The following ESR1 variants were observed in gnomAD, a reference collection of about 807,000 sequenced individuals.
ESR1 encodes the protein estrogen receptor 1.
ESR1 carries 12 observed loss-of-function variants against 52.7 expected under a neutral mutation model. The observed-to-expected ratio is 0.23, with a 90% CI of 0.15 to 0.37. The LOEUF (loss-of-function observed/expected upper bound fraction) is 0.37. Among genes scored for constraint, ESR1 ranks in the 10% least tolerant of loss-of-function variants. The pLI, the probability that ESR1 is intolerant of heterozygous loss-of-function variation, is 1.00. For missense variants in ESR1, 584 were observed against 779.7 expected (o/e 0.75, Z 2.99); for synonymous variants, 305 against 316.8 (o/e 0.96, Z 0.39).
chr6:151,686,532 AAAG>A (rs1310395726), upstream of ESR1, among the ~76,000 whole-genome samples: 4 of 152,166 alleles, frequency 2.6e-5, no homozygotes, highest in Non-Finnish European at 5.9e-5. Flanking sequence ...AAAAATACAA[AAAG>A]AAATTAGCCG....
chr6:152,092,713 A>C (rs1201118769), intron 6 of ESR1, among the ~76,000 whole-genome samples: 1 of 152,156 alleles, frequency 6.6e-6, no homozygotes, highest in African/African-American at 2.4e-5. Context: ...GGCAGGATGG[A>C]GCTTATTGCT....
intron 3 of ESR1, among the ~76,000 whole-genome samples, chr6:151,908,721 T>C (rs79757702): frequency 0.028 from 4,263 of 152,116 alleles, 192 homozygotes; most frequent in African/African-American, 0.097. Flanking sequence ...CAGCGCCAAA[T>C]AAGGAGCAGA....
intron 4 of ESR1, among the ~76,000 whole-genome samples, chr6:151,970,984 A>G (rs947564219): frequency 5.3e-5 from 8 of 152,098 alleles, no homozygotes; most frequent in Non-Finnish European, 1.2e-4. Context: ...CCCATACCAG[A>G]GTTGTTTGTG....
chr6:151,668,680 T>C (rs1167596868), intron 1 of ESR1, among the ~76,000 whole-genome samples: 3 of 152,182 alleles, frequency 2.0e-5, no homozygotes, highest in Non-Finnish European at 4.4e-5. Flanking sequence ...TGCCTGTTAA[T>C]ACTATCGCAC....
At chr6:151,746,927 T>C (rs887672363) in intron 2 of ESR1, among the ~76,000 whole-genome samples, 2 of 152,194 alleles carry the variant, frequency 1.3e-5, no homozygotes, top group Non-Finnish European at 2.9e-5. Flanking sequence ...TGGCATTACA[T>C]GAATTAATAT....
At chr6:151,964,855 G>A (rs1562604955) in intron 4 of ESR1, among the ~76,000 whole-genome samples, 1 of 152,042 alleles carries the variant, frequency 6.6e-6, no homozygotes, top group African/African-American at 2.4e-5. Context: ...TGTTAGCCAG[G>A]ATGGTCTCGA....
intron 7 of ESR1, among the ~76,000 whole-genome samples, chr6:152,097,737 G>T (rs2747647): frequency 1.3e-5 from 2 of 152,008 alleles, no homozygotes; most frequent in Non-Finnish European, 2.9e-5. Context: ...CCCATTTCCC[G>T]CTGCCCATTT....
chr6:152,086,856 C>T (rs577282242), intron 6 of ESR1, among the ~76,000 whole-genome samples: 11 of 152,266 alleles, frequency 7.2e-5, no homozygotes, highest in African/African-American at 2.6e-4. Context: ...TCTAACAATA[C>T]ACATTTGCTC....
chr6:151,720,384 T>C (rs76358558), intron 2 of ESR1, among the ~76,000 whole-genome samples: 332 of 152,354 alleles, frequency 2.2e-3, no homozygotes, highest in Non-Finnish European at 2.9e-3. Context: ...TCTCACTCCA[T>C]GTTTAAATGA....
chr6:152,070,940 G>C (rs1407634975), intron 6 of ESR1, among the ~76,000 whole-genome samples: 1 of 138,808 alleles, frequency 7.2e-6, no homozygotes, highest in African/African-American at 3.2e-5. Flanking sequence ...CTGTGGCTTT[G>C]TCAACCGTTG....
At chr6:151,899,469 GCGGGGGGC>G (rs1796242858) in intron 3 of ESR1, among the ~76,000 whole-genome samples, 26 of 142,380 alleles carry the variant, frequency 1.8e-4, no homozygotes, top group Admixed American at 1.3e-3. Flanking sequence ...AGCTGGCCAG[GCGGGGGGC>G]TGACCCCCCC....
At position 151,808,289 on chromosome 6, in the gene ESR1, A is replaced by C. The variant is rs1210764813; in HGVS notation, c.377A>C (p.Gln126Pro). 1 of 1,582,588 alleles carries C rather than the reference A, an allele frequency of 6.3e-7. No homozygotes were observed. Among genetic ancestry groups the C allele is most frequent in the Non-Finnish European group, 8.6e-7 (1 of 1,166,172 alleles). ...TCGCCTTTCCTGCAGCCCCACGGCC[A>C]GCAGGTGCCCTACTACCTGGAGAAC... is the stretch of plus-strand genomic sequence containing the variant. ...QLSPFLQPHG[Q>P]QVPYYLENEP... The change falls in exon 1 of 8, where the codon CAG (glutamine) becomes CCG (proline). Residue 126 changes from glutamine to proline, a missense_variant. This residue lies in a region of ESR1 where 251 missense variants were observed against 246.1 expected (regional missense o/e 1.02). Transcript: ENST00000206249.
In ESR1 at chr6:152,044,103, T is replaced by A. The variant is rs147999792; in HGVS notation, c.1236-16888T>A. On this transcript the variant is annotated intron_variant, in intron 5 of 7. Transcript: ENST00000206249. ...TAGGAGCAACCAACTAGCTTCATTA[T>A]ATTCCTTGGTTCTCCACATATGGTT... Among the ~76,000 whole-genome samples, 1,505 of 152,330 alleles carry A rather than the reference T, an allele frequency of 9.9e-3. 11 individuals carry two copies. The highest frequency in any genetic ancestry group is 0.02 in the South Asian group (96 of 4,832).
chr6:151,875,892 G>A (rs1356989444), intron 2 of ESR1, among the ~76,000 whole-genome samples: 2 of 152,138 alleles, frequency 1.3e-5, no homozygotes, highest in Non-Finnish European at 2.9e-5. Context: ...CATTTTTAGA[G>A]CTTGGAGGAG....
chr6:152,055,271 C>T (rs1292776525), intron 5 of ESR1, among the ~76,000 whole-genome samples: 2 of 152,110 alleles, frequency 1.3e-5, no homozygotes, highest in Non-Finnish European at 2.9e-5. Context: ...GTAGTAGCTC[C>T]ATAATGGTTG....
intron 2 of ESR1, among the ~76,000 whole-genome samples, chr6:151,775,110 G>A (rs1372997995): frequency 6.6e-6 from 1 of 152,184 alleles, no homozygotes; most frequent in Non-Finnish European, 1.5e-5. Context: ...CAGGAGAGGT[G>A]AAAGAAGGAA....
chr6:151,824,920 C>CA (rs11308325), intron 1 of ESR1, among the ~76,000 whole-genome samples: 12,641 of 135,800 alleles, frequency 0.093, 612 homozygotes, highest in East Asian at 0.16. Flanking sequence ...GACTCCATCT[C>CA]AAAAAAAAAA....
chr6:151,808,132 G>T lies in ESR1; in HGVS notation c.220G>T (p.Gly74Cys), dbSNP rs775435150. Residue 74 changes from glycine (G) to cysteine (C), a missense_variant, in exon 1 of 8, where the codon GGT becomes TGT. By Grantham distance (159) the Gly-to-Cys change is radical. This residue lies in a region of ESR1 where 251 missense variants were observed against 246.1 expected (regional missense o/e 1.02). Transcript: ENST00000206249. ...AAAAANAQVY[G>C]QTGLPYGPGS... ...GGCCGCCGCCAACGCGCAGGTCTAC[G>T]GTCAGACCGGCCTCCCCTACGGCCC... 1.9e-6 allele frequency: 3 copies of T among 1,607,522 alleles called. No individual in the cohort carries two copies. The highest frequency in any genetic ancestry group is 1.7e-5 in the Admixed American group (1 of 59,346).
Position 151,713,096 on chromosome 6 carries a change from C to T in ESR1, c.-71+11091C>T, listed in dbSNP as rs545312521. 1.2e-4 allele frequency among the ~76,000 whole-genome samples: 19 copies of T among 152,014 alleles called. No individual in the cohort carries two copies. In the South Asian group the frequency reaches 3.1e-3, roughly 25 times the overall value. On this transcript the variant is annotated intron_variant, in intron 2 of 2. Transcript: ENST00000404742. Reference sequence around the variant, plus strand: ...CCTTTTTTTCATCTATTGAGATAATCATGTGGTTTTTGTCATTGGTTCTGT... The same window carrying T: ...CCTTTTTTTCATCTATTGAGATAATTATGTGGTTTTTGTCATTGGTTCTGT...
Sources: gnomAD v4.1 joint callset for allele counts (sites outside exome capture counted in the v4.1 genomes callset) on GRCh38, gnomAD v4.1.1 for gene constraint, gnomAD v4.1.1 regional missense constraint, MANE v1.5 for transcripts, NCBI Gene and HGNC (gene_info 2026-07-23, HGNC 2026-07-21) for gene names.